The following ADGRB3 variants were observed in gnomAD, a reference collection of about 807,000 sequenced individuals.
ADGRB3 encodes brain-specific angiogenesis inhibitor 3.
A neutral mutation model predicts 193.4 loss-of-function variants in ADGRB3; 37 were observed. The ratio of observed to expected loss-of-function variants is 0.19; its 90% CI spans 0.15 to 0.25. The LOEUF (loss-of-function observed/expected upper bound fraction) is 0.25. Among genes scored for constraint, ADGRB3 ranks in the 10% least tolerant of loss-of-function variants. The pLI, the probability that ADGRB3 is intolerant of heterozygous loss-of-function variation, is 1.00. For missense variants in ADGRB3, 1,637 were observed against 1,852.9 expected (o/e 0.88, Z 2.14); for synonymous variants, 690 against 644.2 (o/e 1.07, Z -1.08).
chr6:68,943,372 TAATAG>T (rs1221864953), intron 5 of ADGRB3, among the ~76,000 whole-genome samples: 2 of 152,176 alleles, frequency 1.3e-5, no homozygotes, highest in Non-Finnish European at 2.9e-5. Context: ...TTTTCTAATA[TAATAG>T]AAGTCATTAA....
At chr6:69,175,417 T>A (rs1038163101) in intron 17 of ADGRB3, among the ~76,000 whole-genome samples, 2 of 152,206 alleles carry the variant, frequency 1.3e-5, no homozygotes, top group Admixed American at 6.5e-5. Flanking sequence ...ATTGCTTATT[T>A]TTGTCAACTT....
chr6:68,784,677 T>A (rs1426688859), intron 3 of ADGRB3, among the ~76,000 whole-genome samples: 2 of 152,142 alleles, frequency 1.3e-5, no homozygotes, highest in African/African-American at 4.8e-5. Flanking sequence ...GTTTCCATTA[T>A]GCTGCAAGGT....
At chr6:68,703,006 C>T (rs551719054) in intron 3 of ADGRB3, among the ~76,000 whole-genome samples, 45 of 152,134 alleles carry the variant, frequency 3.0e-4, no homozygotes, top group African/African-American at 1.0e-3. Flanking sequence ...TTTGGCTATT[C>T]AATATTGTTA....
intron 3 of ADGRB3, among the ~76,000 whole-genome samples, chr6:68,688,970 T>A (rs1004734197): frequency 6.6e-6 from 1 of 152,118 alleles, no homozygotes; most frequent in Non-Finnish European, 1.5e-5. Flanking sequence ...AAAAATGCCT[T>A]GTATTGGAGT....
chr6:68,944,455 G>C (rs1181631844), intron 6 of ADGRB3, among the ~76,000 whole-genome samples: 1 of 152,060 alleles, frequency 6.6e-6, no homozygotes, highest in Non-Finnish European at 1.5e-5. Context: ...TAGATCTCTT[G>C]CTGGATGCAT....
chr6:68,805,035 C>T (rs903770744), intron 3 of ADGRB3, among the ~76,000 whole-genome samples: 1 of 151,988 alleles, frequency 6.6e-6, no homozygotes, highest in African/African-American at 2.4e-5. Context: ...TCAAACAATC[C>T]TCCCACCTCA....
chr6:69,339,063 A>T, intron 25 of ADGRB3, 49 bp downstream of exon 25: 1 of 1,576,568 alleles, frequency 6.3e-7, no homozygotes. Context: ...TTTACAGTGC[A>T]TGTGAGAAAA....
At chr6:69,042,145 A>T (rs1582416139) in intron 13 of ADGRB3, among the ~76,000 whole-genome samples, 1 of 152,220 alleles carries the variant, frequency 6.6e-6, no homozygotes, top group Admixed American at 6.5e-5. Context: ...GAAGAAGGAC[A>T]TGCATGTTTG....
chr6:69,123,645 A>G (rs2150331164), intron 17 of ADGRB3, among the ~76,000 whole-genome samples: 1 of 152,304 alleles, frequency 6.6e-6, no homozygotes, highest in East Asian at 1.9e-4. Flanking sequence ...AATTTTATAT[A>G]CAGCACCTAG....
chr6:69,141,264 C>CA (rs919404200), intron 17 of ADGRB3, among the ~76,000 whole-genome samples: 7 of 152,018 alleles, frequency 4.6e-5, no homozygotes, highest in African/African-American at 1.7e-4. Context: ...GCTGGGACTA[C>CA]AGGAGCCCGC....
At chr6:69,205,721 C>G (rs1460706349) in intron 17 of ADGRB3, among the ~76,000 whole-genome samples, 3 of 151,974 alleles carry the variant, frequency 2.0e-5, no homozygotes, top group African/African-American at 7.2e-5. Flanking sequence ...ATAACTAACT[C>G]ACTTCCACAA....
chr6:68,797,406 C>CA (rs761635932), intron 3 of ADGRB3, among the ~76,000 whole-genome samples: 1,875 of 133,696 alleles, frequency 0.014, 32 homozygotes, highest in African/African-American at 0.044. Context: ...CATTTGAAGC[C>CA]AAAAAAAAAA....
intron 17 of ADGRB3, among the ~76,000 whole-genome samples, chr6:69,226,687 G>A (rs1489598131): frequency 6.6e-6 from 1 of 152,172 alleles, no homozygotes; most frequent in Non-Finnish European, 1.5e-5. Flanking sequence ...AAATGTTATG[G>A]CGTAGCTATT....
chr6:68,661,126 A>G (rs1458195537), intron 3 of ADGRB3, among the ~76,000 whole-genome samples: 2 of 150,150 alleles, frequency 1.3e-5, no homozygotes, highest in African/African-American at 2.4e-5. Context: ...ATAGTATTAC[A>G]TGAGATAGTA....
intron 3 of ADGRB3, among the ~76,000 whole-genome samples, chr6:68,663,236 A>G (rs1768712158): frequency 6.6e-6 from 1 of 151,534 alleles, no homozygotes; most frequent in Admixed American, 6.6e-5. Context: ...GTTTGTGTTC[A>G]TCATATAATT....
At chr6:68,909,975 C>T (rs893134103) in intron 3 of ADGRB3, among the ~76,000 whole-genome samples, 3 of 152,186 alleles carry the variant, frequency 2.0e-5, no homozygotes, top group Non-Finnish European at 4.4e-5. Context: ...CCTGAGGAAT[C>T]GCCACGCTGT....
intron 13 of ADGRB3, among the ~76,000 whole-genome samples, chr6:69,047,149 G>A (rs1016752904): frequency 8.5e-5 from 13 of 152,082 alleles, no homozygotes; most frequent in Non-Finnish European, 1.3e-4. Context: ...GTGAGCCACC[G>A]CACCCAGCCA....
chr6:68,639,421 C>G lies in ADGRB3; in HGVS notation c.746C>G (p.Pro249Arg). 6.2e-7 allele frequency: 1 copy of G among 1,606,302 alleles called. No homozygotes were observed. Among genetic ancestry groups the G allele is most frequent in the Non-Finnish European group, 8.5e-7 (1 of 1,176,322 alleles). Residue 249 changes from proline (P) to arginine (R), a missense_variant, in exon 3 of 32, where the codon CCA becomes CGA. Transcript: ENST00000370598. ...VCNLTREAKR[P>R]PKEEFGMMGD... is the part of the protein sequence containing the mutation. The stretch of plus-strand genomic sequence containing the variant: ...AATCTTACCAGGGAGGCCAAGCGAC[C>G]ACCCAAAGAAGGTAAGTGCCAAAGA...
chr6:68,802,183 CGTGTGTGTGTGT>C (rs9294808), intron 3 of ADGRB3, among the ~76,000 whole-genome samples: 5,680 of 142,812 alleles, frequency 0.04, 341 homozygotes, highest in African/African-American at 0.14. Context: ...TGCACATATG[CGTGTGTGTGTGT>C]GTGTGTGTGT....
Sources: allele counts gnomAD v4.1 joint callset (sites outside exome capture counted in the v4.1 genomes callset), GRCh38; gene constraint gnomAD v4.1.1; transcripts MANE v1.5; gene names NCBI Gene and HGNC (gene_info 2026-07-23, HGNC 2026-07-21).